The following TYW1 variants were observed in gnomAD, a reference collection of about 807,000 sequenced individuals.
The protein encoded by TYW1 is S-adenosyl-L-methionine-dependent tRNA 4-demethylwyosine synthase TYW1.
In TYW1, 46 loss-of-function variants were observed where a neutral mutation model predicts 96.2. That is an observed-to-expected ratio of 0.48 (90% CI 0.38 to 0.61). The LOEUF (loss-of-function observed/expected upper bound fraction) is 0.61. Ranked by LOEUF, TYW1 falls within the 20% of genes least tolerant of loss-of-function variation. The probability of loss-of-function intolerance (pLI) is 0.00; values close to 1 mark genes in which losing one functional copy is unlikely to be tolerated. For synonymous variants in TYW1, 274 were observed against 323.0 expected (o/e 0.85, Z 1.63); for missense variants, 684 against 909.6 (o/e 0.75, Z 3.19).
chr7:67,014,538 G>A lies in TYW1; in HGVS notation c.547G>A (p.Ala183Thr). ...RYAVFGLGNSAYASHFNKVGK... is the reference protein window; with the variant it reads ...RYAVFGLGNSTYASHFNKVGK... The stretch of plus-strand genomic sequence containing the variant: ...TGCGGTATTTGGCCTGGGAAATTCT[G>A]CCTATGCTAGCCACTTCAACAAGGT... Residue 183 changes from alanine to threonine, a missense_variant, in exon 5 of 16, where the codon GCC (alanine) becomes ACC (threonine). Physicochemically the swap from Ala to Thr is moderately conservative, Grantham distance 58 (BLOSUM62 0). Coordinates refer to ENST00000359626, the MANE Select transcript of TYW1 (RefSeq NM_018264.4). 1 of 1,610,626 alleles carries A rather than the reference G, an allele frequency of 6.2e-7. No homozygotes were observed. Among genetic ancestry groups the A allele is most frequent in the Non-Finnish European group, 8.5e-7 (1 of 1,178,810 alleles).
intron 9 of TYW1, among the ~76,000 whole-genome samples, chr7:67,064,683 C>A (rs747817034): frequency 3.7e-4 from 56 of 152,094 alleles, no homozygotes; most frequent in Non-Finnish European, 6.5e-4. Context: ...AAAGACTGAC[C>A]CCTGTGATTC....
chr7:67,029,369 ATATG>A (rs1794568355), intron 7 of TYW1, among the ~76,000 whole-genome samples: 3 of 139,164 alleles, frequency 2.2e-5, no homozygotes, highest in African/African-American at 7.9e-5. Flanking sequence ...ACTTAGTTAA[ATATG>A]TGTGTGTGCG....
At chr7:67,174,525 A>G (rs1348634727) in intron 13 of TYW1, among the ~76,000 whole-genome samples, 2 of 151,226 alleles carry the variant, frequency 1.3e-5, no homozygotes, top group Non-Finnish European at 2.9e-5. Context: ...CAAAATGCCT[A>G]CTTAGTAAAG....
At chr7:67,113,223 C>T (rs1441992587) in intron 12 of TYW1, among the ~76,000 whole-genome samples, 4 of 151,482 alleles carry the variant, frequency 2.6e-5, no homozygotes, top group Admixed American at 6.6e-5. Context: ...TTAGTCATGG[C>T]GCTGCGTGGT....
rs1801936626 is a variant in TYW1 at position 67,237,699 on chromosome 7, C to CATTTAAAGTATACA, written c.1978-608_1978-607insTTTAAAGTATACAA. On this transcript the variant is annotated intron_variant, in intron 15 of 15. Transcript: ENST00000359626. ...TTTTCTTCATTCCAGGTCATTATTCCACCGTGACTTTTGAGAAGCAATTTT... is the reference window on the plus strand; with the variant it reads ...TTTTCTTCATTCCAGGTCATTATTCCATTTAAAGTATACAACCGTGACTTTTGAGAAGCAATTTT... Among the ~76,000 whole-genome samples the CATTTAAAGTATACA allele has an allele frequency of 1.2e-4, 18 of 151,814 alleles. No homozygotes were observed. In the South Asian group the frequency reaches 3.7e-3, roughly 32 times the overall value.
chr7:67,164,137 A>T (rs1799251608), intron 13 of TYW1, among the ~76,000 whole-genome samples: 2 of 151,792 alleles, frequency 1.3e-5, no homozygotes, highest in Admixed American at 1.3e-4. Context: ...CTAAACCTTA[A>T]TTTTTTTGGT....
intron 13 of TYW1, among the ~76,000 whole-genome samples, chr7:67,157,381 G>T (rs1799016503): frequency 6.6e-6 from 1 of 152,178 alleles, no homozygotes; most frequent in South Asian, 2.1e-4. Flanking sequence ...TGCCTCGTGG[G>T]TTCAAGCAAT....
intron 12 of TYW1, among the ~76,000 whole-genome samples, chr7:67,115,797 TG>T (rs1797576996): frequency 6.6e-6 from 1 of 152,224 alleles, no homozygotes. Context: ...GTGAATTGTA[TG>T]GCATGTGAGT....
chr7:67,199,975 A>AAGAAAGAAAGAACTTAGAAGGG (rs1800538081), intron 15 of TYW1, among the ~76,000 whole-genome samples: 2 of 152,172 alleles, frequency 1.3e-5, no homozygotes, highest in South Asian at 4.1e-4. Context: ...AAGGAAAAAG[A>AAGAAAGAAAGAACTTAGAAGGG]AGAAAGAAAG....
intron 4 of TYW1, among the ~76,000 whole-genome samples, chr7:67,012,404 C>T (rs1002286504): frequency 1.7e-4 from 26 of 152,120 alleles, no homozygotes; most frequent in East Asian, 1.9e-4. Context: ...TGTAGTTTAC[C>T]GGCCCCGTCT....
In TYW1 at chr7:67,183,143, C is replaced by T. The variant is rs753261616; in HGVS notation, c.1716C>T (p.Tyr572=). 5.0e-6 allele frequency: 8 copies of T among 1,612,074 alleles called. No homozygotes were observed. The East Asian group carries it at 1.6e-4, about 31-fold the overall frequency. The change falls in exon 14 of 16, where the codon TAC becomes TAT. Residue 572 remains tyrosine (Y), a synonymous_variant. Transcript: ENST00000359626. ...ALAVKQQRTV[Y]RLTLVKAWNV... is the part of the protein sequence containing the mutation. ...TGTTTTAGCAACAACGAACTGTCTA[C>T]AGACTGACGCTCGTGAAAGCATGGA...
At chr7:67,123,985 C>T (rs967554991) in intron 13 of TYW1, among the ~76,000 whole-genome samples, 1 of 152,154 alleles carries the variant, frequency 6.6e-6, no homozygotes, top group African/African-American at 2.4e-5. Context: ...GTAATGAATA[C>T]TGACCTTTTG....
intron 4 of TYW1, among the ~76,000 whole-genome samples, chr7:67,010,797 G>A (rs1257850892): frequency 2.0e-5 from 3 of 151,982 alleles, no homozygotes; most frequent in Admixed American, 6.6e-5. Context: ...ATAGAGATAC[G>A]GTCTCACTAT....
intron 12 of TYW1, among the ~76,000 whole-genome samples, chr7:67,110,728 G>A (rs1797378213): frequency 6.6e-6 from 1 of 152,170 alleles, no homozygotes; most frequent in Non-Finnish European, 1.5e-5. Context: ...TAATAGCCAG[G>A]CGTGGTGGCT....
intron 15 of TYW1, among the ~76,000 whole-genome samples, chr7:67,211,162 G>C (rs1200857020): frequency 2.2e-5 from 3 of 136,880 alleles, no homozygotes; most frequent in African/African-American, 9.3e-5. Flanking sequence ...GTGTGTGTGT[G>C]TGTGTGTGTG....
chr7:67,046,233 G>C (rs1294725714), intron 7 of TYW1, among the ~76,000 whole-genome samples: 2 of 152,134 alleles, frequency 1.3e-5, no homozygotes. Context: ...GCCGAGGCTT[G>C]CTTCTTAATT....
At chr7:67,125,943 G>A (rs1027976785) in intron 13 of TYW1, among the ~76,000 whole-genome samples, 9 of 152,116 alleles carry the variant, frequency 5.9e-5, no homozygotes, top group South Asian at 2.1e-4. Context: ...TTGTCTGGAT[G>A]TACCACAGTT....
intron 3 of TYW1, among the ~76,000 whole-genome samples, chr7:67,004,492 A>G (rs1793504275): frequency 6.6e-6 from 1 of 152,190 alleles, no homozygotes; most frequent in Non-Finnish European, 1.5e-5. Context: ...CTACTCTGCC[A>G]GGAGTAGAAG....
At chr7:67,117,433 C>G (rs1364149205) in intron 12 of TYW1, 50 bp from the exon 13 acceptor site, 2 of 1,577,946 alleles carry the variant, frequency 1.3e-6, no homozygotes, top group Non-Finnish European at 1.7e-6. Flanking sequence ...CATGGAAAGC[C>G]TGATAGAGGA....
Sources: gnomAD v4.1 joint callset for allele counts (sites outside exome capture counted in the v4.1 genomes callset) on GRCh38, gnomAD v4.1.1 for gene constraint, MANE v1.5 for transcripts, NCBI Gene and HGNC (gene_info 2026-07-23, HGNC 2026-07-21) for gene names.